Variants in PRKCI observed in about 807,000 individuals in gnomAD.
PRKCI encodes the protein protein kinase C iota, also known as protein kinase C iota type.
Under a neutral mutation model 84.0 loss-of-function variants are expected in PRKCI, and 43 were observed. That is an observed-to-expected ratio of 0.51 (90% CI 0.40 to 0.66). The LOEUF is 0.66. PRKCI is among the 30% of genes least tolerant of loss of function. The pLI is 0.00. For synonymous variants in PRKCI, 216 were observed against 234.4 expected, an observed-to-expected ratio of 0.92 and a Z score of 0.72; for missense variants, 459 against 745.6, an observed-to-expected ratio of 0.62 and a Z score of 4.48.
At chr3:170,244,158 A>G (rs1178423125) in intron 2 of PRKCI, among the ~76,000 whole-genome samples, 2 of 152,200 alleles carry the variant, frequency 1.3e-5, no homozygotes, top group African/African-American at 4.8e-5. Flanking sequence ...TATTTATGAT[A>G]AGCCCCTGCC....
chr3:170,223,996 C>T (rs1325597699), intron 1 of PRKCI, among the ~76,000 whole-genome samples: 1 of 151,724 alleles, frequency 6.6e-6, no homozygotes, highest in East Asian at 1.9e-4. Context: ...ATACATGTGC[C>T]ATACTGGTGT....
chr3:170,258,190 G>A (rs980386152), intron 2 of PRKCI, among the ~76,000 whole-genome samples: 1 of 151,628 alleles, frequency 6.6e-6, no homozygotes, highest in Non-Finnish European at 1.5e-5. Context: ...CTGTATGCTG[G>A]TGATTGAGGT....
In PRKCI at chr3:170,239,281, A is replaced by T. The variant is rs182964812; in HGVS notation, c.223+3930A>T. ...TTTTGACCTACCCTATCACAAAGAT[A>T]GTTTAAATATGGTTACTTATAAATG... On this transcript the variant is annotated intron_variant, in intron 2 of 17. Coordinates refer to ENST00000295797, the MANE Select transcript of PRKCI (RefSeq NM_002740.6). Among the ~76,000 whole-genome samples the T allele has an allele frequency of 8.9e-4, 136 of 152,330 alleles. 1 individual carries two copies. The highest frequency in any genetic ancestry group is 1.7e-3 in the Non-Finnish European group (113 of 68,028).
intron 11 of PRKCI, 59 bp from the exon 12 acceptor site, chr3:170,284,402 T>TGTAAATGTAGAACTTAAATATGGTTGA: frequency 7.3e-7 from 1 of 1,376,342 alleles, no homozygotes; most frequent in Non-Finnish European, 9.9e-7. Flanking sequence ...TGTTTCCAGT[T>TGTAAATGTAGAACTTAAATATGGTTGA]GTAAATGTAG....
chr3:170,298,193 A>T (rs1163432998), intron 16 of PRKCI, among the ~76,000 whole-genome samples: 1 of 151,942 alleles, frequency 6.6e-6, no homozygotes, highest in Non-Finnish European at 1.5e-5. Flanking sequence ...ATATTAATGT[A>T]ATAAAGCAGG....
intron 6 of PRKCI, among the ~76,000 whole-genome samples, chr3:170,271,529 A>C (rs1223087387): frequency 1.3e-5 from 2 of 152,248 alleles, no homozygotes; most frequent in African/African-American, 4.8e-5. Context: ...CAATTGATTG[A>C]TCTCTTAGAT....
intron 2 of PRKCI, among the ~76,000 whole-genome samples, chr3:170,254,800 A>G (rs1047511546): frequency 3.9e-5 from 6 of 152,114 alleles, no homozygotes; most frequent in Admixed American, 1.3e-4. Flanking sequence ...AGCTTTGGCC[A>G]TTCTGGGTCT....
chr3:170,241,207 ACT>A (rs1733122761), intron 2 of PRKCI, among the ~76,000 whole-genome samples: 1 of 151,868 alleles, frequency 6.6e-6, no homozygotes, highest in South Asian at 2.1e-4. Flanking sequence ...TTTAAAATCC[ACT>A]CTTTTTGTTA....
At position 170,251,900 on chromosome 3, in the gene PRKCI, T is replaced by G. The variant is rs569325361; in HGVS notation, c.224-8069T>G. On this transcript the variant is annotated intron_variant, in intron 2 of 17. Transcript: ENST00000295797. ...ACTCCAGCCTGGGCAACAACAAGAC[T>G]GTCTCAAAAAAAAAAAAGAAATTAG... Among the ~76,000 whole-genome samples, 6 of 132,808 alleles carry G rather than the reference T, an allele frequency of 4.5e-5. No homozygotes were observed. In the Admixed American group the frequency reaches 4.7e-4, roughly 10 times the overall value. The allele number at this position is 132,808 out of a possible 152,430, so 87.1% of individuals were successfully genotyped here. A position where few individuals can be genotyped will look rare whatever the true frequency, so the allele number is the denominator to read the frequency against.
At position 170,222,474 on chromosome 3, in the gene PRKCI, C is replaced by T. The variant is rs1577333546; in HGVS notation, c.-196C>T. ...GCGGCTGTAGAGGCGGCGGCGCCTA[C>T]GGGCAGTGGGAGGAGCCGCGCGGTT... is the stretch of plus-strand genomic sequence containing the variant. On this transcript the variant is annotated 5_prime_UTR_variant, in exon 1 of 18. It adds an upstream start codon to the 5' untranslated region. Coordinates refer to ENST00000295797, the MANE Select transcript of PRKCI (RefSeq NM_002740.6). 2.1e-6 allele frequency: 1 copy of T among 467,798 alleles called. No homozygotes were observed. Among genetic ancestry groups the T allele is most frequent in the Non-Finnish European group, 3.7e-6 (1 of 271,654 alleles). The allele number at this position is 467,798 out of a possible 1,614,324, so 29.0% of individuals were successfully genotyped here.
intron 1 of PRKCI, among the ~76,000 whole-genome samples, chr3:170,227,230 C>T (rs1354869153): frequency 6.6e-6 from 1 of 152,064 alleles, no homozygotes; most frequent in East Asian, 1.9e-4. Context: ...TTTAAAAATT[C>T]CAGTCTTGCT....
chr3:170,260,157 C>T (rs1733687472), intron 3 of PRKCI, 99 bp downstream of exon 3: 2 of 784,434 alleles, frequency 2.5e-6, no homozygotes, highest in African/African-American at 1.8e-5. Context: ...ATGTCATTTT[C>T]TCAATCTCTG....
intron 4 of PRKCI, among the ~76,000 whole-genome samples, chr3:170,265,849 CTGATCTTG>C (rs1184342700): frequency 6.6e-6 from 1 of 151,952 alleles, no homozygotes; most frequent in Admixed American, 6.6e-5. Flanking sequence ...TCTCAATCTC[CTGATCTTG>C]TGATCTGCCC....
At position 170,303,407 on chromosome 3, in the gene PRKCI, T is replaced by TAA. The variant is rs199720571; in HGVS notation, c.*293_*294dup. ...GAGTAATGAAGTTATCTTTTTTGTT[T>TAA]AAAAAAAAAAAAAACACTGCATTAA... On this transcript the variant is annotated 3_prime_UTR_variant, in exon 18 of 18. Coordinates refer to ENST00000295797, the MANE Select transcript of PRKCI (RefSeq NM_002740.6). The TAA allele has an allele frequency of 8.5e-3, 2,010 of 236,146 alleles. 1 individual carries two copies. The highest frequency in any genetic ancestry group is 0.017 in the East Asian group (258 of 15,580). The allele number at this position is 236,146 out of a possible 1,614,324, so 14.6% of individuals were successfully genotyped here.
intron 2 of PRKCI, among the ~76,000 whole-genome samples, chr3:170,252,269 G>A (rs1273364312): frequency 6.6e-6 from 1 of 151,246 alleles, no homozygotes; most frequent in Non-Finnish European, 1.5e-5. Flanking sequence ...GAATGTATGT[G>A]TCATAACTCT....
chr3:170,290,735 C>G (rs570637153), intron 12 of PRKCI, among the ~76,000 whole-genome samples: 1 of 152,100 alleles, frequency 6.6e-6, no homozygotes, highest in East Asian at 1.9e-4. Context: ...TGAGTGTATG[C>G]AAGTGTATAT....
intron 15 of PRKCI, 62 bp from the exon 16 acceptor site, chr3:170,297,242 A>G (rs1734705764): frequency 3.0e-6 from 4 of 1,354,612 alleles, no homozygotes; most frequent in Non-Finnish European, 4.2e-6. Context: ...CACAGATCAC[A>G]AAGATGATTT....
At chr3:170,241,256 C>T (rs563447368) in intron 2 of PRKCI, among the ~76,000 whole-genome samples, 3 of 152,160 alleles carry the variant, frequency 2.0e-5, no homozygotes, top group Non-Finnish European at 4.4e-5. Context: ...GAATTGTAGT[C>T]ACCATGCTAT....
At chr3:170,300,683 A>ATT (rs201572419) in intron 17 of PRKCI, among the ~76,000 whole-genome samples, 13 of 138,314 alleles carry the variant, frequency 9.4e-5, no homozygotes, top group South Asian at 2.3e-4. Flanking sequence ...ATTGTCTTGA[A>ATT]TTTTTTTTTT....
Sources: gnomAD v4.1 joint callset for allele counts (sites outside exome capture counted in the v4.1 genomes callset) on GRCh38, gnomAD v4.1.1 for gene constraint, MANE v1.5 for transcripts, NCBI Gene and HGNC (gene_info 2026-07-23, HGNC 2026-07-21) for gene names.